The following FXR1 variants were observed in gnomAD, a reference collection of about 807,000 sequenced individuals.
FXR1 encodes RNA-binding protein FXR1.
In FXR1, 15 loss-of-function variants were observed where a neutral mutation model predicts 84.0. The ratio of observed to expected loss-of-function variants is 0.18; its 90% CI spans 0.12 to 0.27. The LOEUF is 0.27. Ranked by LOEUF, FXR1 falls within the 10% of genes least tolerant of loss-of-function variation. FXR1 has a pLI of 1.00. For synonymous variants in FXR1, 245 were observed against 250.7 expected, an observed-to-expected ratio of 0.98 and a Z score of 0.21; for missense variants, 480 against 774.4, an observed-to-expected ratio of 0.62 and a Z score of 4.51.
chr3:180,912,828 C>T, intron 1 of FXR1, 92 bp downstream of exon 1: 1 of 1,601,652 alleles, frequency 6.2e-7, no homozygotes, highest in Non-Finnish European at 8.5e-7. Context: ...GGTTTGGGGT[C>T]GGAAAGGCAG....
chr3:180,929,647 T>C (rs148885545), intron 1 of FXR1, among the ~76,000 whole-genome samples: 4 of 152,314 alleles, frequency 2.6e-5, no homozygotes, highest in Non-Finnish European at 5.9e-5. Context: ...GTGGCTGTTA[T>C]GGTGTCTCCT....
chr3:180,936,691 CAAAGAT>C lies in FXR1; in HGVS notation c.198+1464_198+1469del, dbSNP rs1408950506. ...TTAGTGTACCCACTTTGGTGGAAGT[CAAAGAT>C]AAAAGAGTGAGTAAAGTGAATGCTT... On this transcript the variant is annotated intron_variant, in intron 3 of 16. Transcript: ENST00000357559. 6.6e-5 allele frequency among the ~76,000 whole-genome samples: 10 copies of C among 152,214 alleles called. No homozygotes were observed. The East Asian group carries it at 1.9e-3, about 29-fold the overall frequency.
chr3:180,946,508 A>G (rs1413051608), intron 3 of FXR1, among the ~76,000 whole-genome samples: 1 of 152,242 alleles, frequency 6.6e-6, no homozygotes, highest in Non-Finnish European at 1.5e-5. Flanking sequence ...AAGGAAGAAT[A>G]TAAGTCATGA....
chr3:180,971,788 GT>G (rs1664901401), intron 15 of FXR1: 1 of 152,504 alleles, frequency 6.6e-6, no homozygotes, highest in Admixed American at 6.6e-5. Context: ...AAAGAAACTT[GT>G]TTGCTGTGTC....
At chr3:180,941,858 A>G (rs578079395) in intron 3 of FXR1, among the ~76,000 whole-genome samples, 1 of 152,302 alleles carries the variant, frequency 6.6e-6, no homozygotes, top group African/African-American at 2.4e-5. Context: ...AAACTTTTCT[A>G]ATGCGCATTT....
At chr3:180,931,550 T>C (rs1719902947) in intron 1 of FXR1, among the ~76,000 whole-genome samples, 1 of 152,030 alleles carries the variant, frequency 6.6e-6, no homozygotes, top group East Asian at 1.9e-4. Flanking sequence ...AAAGATATCC[T>C]GGGTTTTAGG....
At chr3:180,917,405 G>A (rs1718025487) in intron 1 of FXR1, among the ~76,000 whole-genome samples, 1 of 152,088 alleles carries the variant, frequency 6.6e-6, no homozygotes, top group Non-Finnish European at 1.5e-5. Flanking sequence ...TTGAAAAAAC[G>A]ATAATTGTCT....
At chr3:180,954,673 A>AG (rs2108473528) in intron 9 of FXR1, among the ~76,000 whole-genome samples, 1 of 152,184 alleles carries the variant, frequency 6.6e-6, no homozygotes, top group African/African-American at 2.4e-5. Flanking sequence ...TTTTACTAGG[A>AG]GGGGGACGAG....
At chr3:180,975,239 A>G in intron 15 of FXR1, 74 bp from the exon 16 acceptor site, 1 of 599,742 alleles carries the variant, frequency 1.7e-6, no homozygotes, top group Non-Finnish European at 2.9e-6. Flanking sequence ...TTAATAGTGA[A>G]ATTACCCTTT....
In FXR1 at chr3:180,982,087, G is replaced by A. The variant is rs902176174; in HGVS notation, c.*5795G>A. 4 of 151,998 alleles carry A rather than the reference G, an allele frequency of 2.6e-5. No individual in the cohort carries two copies. Among genetic ancestry groups the A allele is most frequent in the African/African-American group, 9.7e-5 (4 of 41,406 alleles). 9.4% of individuals were successfully genotyped at this position (151,998 alleles called of 1,614,324 possible). ...CCATAGTACAAAAAGTTAAGAGAAC[G>A]GAACTCAGGATCTGAGAAAGATCAG... On this transcript the variant is annotated 3_prime_UTR_variant, in exon 17 of 17. Transcript: ENST00000357559.
intron 11 of FXR1, 142 bp from the exon 12 acceptor site, chr3:180,962,741 C>T: frequency 1.6e-6 from 1 of 635,294 alleles, no homozygotes; most frequent in South Asian, 1.9e-5. Flanking sequence ...CTCATCAATT[C>T]TGTTGACTAG....
chr3:180,944,326 C>CT (rs11344405), intron 3 of FXR1, among the ~76,000 whole-genome samples: 151 of 146,166 alleles, frequency 1.0e-3, no homozygotes, highest in African/African-American at 1.9e-3. Context: ...GTTATTGGAC[C>CT]TTTTTTTTTT....
At chr3:180,933,809 A>C (rs754891237) in intron 2 of FXR1, among the ~76,000 whole-genome samples, 5 of 152,090 alleles carry the variant, frequency 3.3e-5, no homozygotes, top group African/African-American at 4.8e-5. Flanking sequence ...TTGGTTAGGA[A>C]GGGCTATAAA....
rs752967961 is a variant in FXR1 at position 180,961,530 on chromosome 3, A to G, written c.1053A>G (p.Leu351=). The change falls in exon 11 of 17, where the codon CTA becomes CTG. Residue 351 remains leucine (L), a synonymous_variant. Transcript: ENST00000357559. ...KESIGNVQVL[L]EYHIAYLKEV... is the part of the protein sequence containing the mutation. ...GCATTGGAAATGTGCAGGTTCTTCT[A>G]GAGTATCATATTGCCTATCTAAAGG... is the stretch of plus-strand genomic sequence containing the variant. 2.6e-5 allele frequency: 40 copies of G among 1,528,916 alleles called. No homozygotes were observed. Among genetic ancestry groups the G allele is most frequent in the Non-Finnish European group, 3.5e-5 (39 of 1,102,926 alleles). 94.7% of individuals were successfully genotyped at this position (1,528,916 alleles called of 1,614,324 possible). A position where few individuals can be genotyped will look rare whatever the true frequency, so the allele number is the denominator to read the frequency against.
chr3:180,927,413 C>A (rs539134322), intron 1 of FXR1, among the ~76,000 whole-genome samples: 5 of 152,130 alleles, frequency 3.3e-5, no homozygotes, highest in Non-Finnish European at 7.4e-5. Flanking sequence ...GGTCACTGTT[C>A]CACAGCCAGG....
At chr3:180,922,950 G>A (rs1236131392) in intron 1 of FXR1, among the ~76,000 whole-genome samples, 1 of 151,924 alleles carries the variant, frequency 6.6e-6, no homozygotes, top group Non-Finnish European at 1.5e-5. Flanking sequence ...TTATATTGCT[G>A]GTCATAGTGA....
chr3:180,938,508 T>C (rs563406303), intron 3 of FXR1, among the ~76,000 whole-genome samples: 32 of 152,278 alleles, frequency 2.1e-4, no homozygotes, highest in Admixed American at 4.6e-4. Context: ...CAGTTTTTGG[T>C]GTAGGAAGTC....
chr3:180,931,046 A>AAAAAAAAAAAAAAAAAAAAC (rs1441505081), intron 1 of FXR1, among the ~76,000 whole-genome samples: 1 of 150,586 alleles, frequency 6.6e-6, no homozygotes, highest in Non-Finnish European at 1.5e-5. Flanking sequence ...AAAAAAAAAA[A>AAAAAAAAAAAAAAAAAAAAC]AGACGTGAAT....
At chr3:180,927,768 T>G (rs2108435852) in intron 1 of FXR1, 1 of 441,440 alleles carries the variant, frequency 2.3e-6, no homozygotes, top group Middle Eastern at 3.7e-4. Flanking sequence ...GTTTAACAAT[T>G]TAAAGGAGAT....
Sources: gnomAD v4.1 joint callset for allele counts (sites outside exome capture counted in the v4.1 genomes callset) on GRCh38, gnomAD v4.1.1 for gene constraint, MANE v1.5 for transcripts, NCBI Gene and HGNC (gene_info 2026-07-23, HGNC 2026-07-21) for gene names.